PBX1: variants seen among roughly 807,000 people sequenced by gnomAD.
PBX1 encodes the protein PBX homeobox 1.
A neutral mutation model predicts 53.4 loss-of-function variants in PBX1; 6 were observed. That is an observed-to-expected ratio of 0.11 (90% confidence interval 0.06 to 0.22). The LOEUF (loss-of-function observed/expected upper bound fraction) is 0.22. Among genes scored for constraint, PBX1 ranks in the 10% least tolerant of loss-of-function variants. The probability of loss-of-function intolerance (pLI) is 1.00; values close to 1 mark genes in which losing one functional copy is unlikely to be tolerated. For missense variants in PBX1, 251 were observed against 551.4 expected (o/e 0.46, Z 5.46); for synonymous variants, 204 against 212.3 (o/e 0.96, Z 0.34).
intron 2 of PBX1, among the ~76,000 whole-genome samples, chr1:164,612,805 G>A (rs1657024799): frequency 6.6e-6 from 1 of 152,088 alleles, no homozygotes; most frequent in Admixed American, 6.5e-5. Flanking sequence ...CTCATGAGAT[G>A]TGATAAAGCA....
At chr1:164,564,293 A>G (rs1255298853) in intron 2 of PBX1, among the ~76,000 whole-genome samples, 1 of 152,166 alleles carries the variant, frequency 6.6e-6, no homozygotes, top group Non-Finnish European at 1.5e-5. Context: ...AAGGAGTGTA[A>G]CAGTCAATAA....
At chr1:164,883,370 A>G (rs150616519) in intron 2 of PBX1, among the ~76,000 whole-genome samples, 716 of 152,334 alleles carry the variant, frequency 4.7e-3, no homozygotes, top group Admixed American at 8.0e-3. Context: ...GGGCAAATGG[A>G]TATTTTCAAA....
Position 164,847,625 on chromosome 1 carries a change from A to T in PBX1, c.*949A>T. 1 of 1,061,426 alleles carries T rather than the reference A, an allele frequency of 9.4e-7. No homozygotes were observed. 65.8% of individuals were successfully genotyped at this position (1,061,426 alleles called of 1,614,324 possible). On this transcript the variant is annotated 3_prime_UTR_variant, in exon 9 of 9. Coordinates refer to ENST00000420696, the MANE Select transcript of PBX1 (RefSeq NM_002585.4). The stretch of plus-strand genomic sequence containing the variant: ...CTCAACTATGCCTTCATAGACACAC[A>T]CGTTCATGCACATGTAGGCACATGT...
intron 2 of PBX1, among the ~76,000 whole-genome samples, chr1:164,663,857 TTAA>T (rs1350672147): frequency 6.6e-6 from 1 of 152,212 alleles, no homozygotes; most frequent in Middle Eastern, 3.2e-3. Flanking sequence ...GGTGTTTAAG[TTAA>T]TAACTCTTCC....
chr1:164,599,061 T>C (rs543162560), intron 2 of PBX1, among the ~76,000 whole-genome samples: 1 of 133,720 alleles, frequency 7.5e-6, no homozygotes, highest in East Asian at 2.2e-4. Context: ...CTGTCTCTTT[T>C]TTCCTCCTGA....
Position 164,788,530 on chromosome 1 carries a change from C to A in PBX1, c.266-3964C>A, listed in dbSNP as rs985922870. Among the ~76,000 whole-genome samples, 12 of 152,000 alleles carry A rather than the reference C, an allele frequency of 7.9e-5. No homozygotes were observed. The East Asian group carries it at 2.3e-3, about 29-fold the overall frequency. On this transcript the variant is annotated intron_variant, in intron 2 of 8. Coordinates refer to ENST00000420696, the MANE Select transcript of PBX1 (RefSeq NM_002585.4). ...AGGTTGTTTATTGGTCCATCCCTGT[C>A]CCCTCCAAGCATTACAGACACAGCC...
chr1:164,806,338 T>C (rs777091248), intron 4 of PBX1, among the ~76,000 whole-genome samples: 5 of 152,186 alleles, frequency 3.3e-5, no homozygotes, highest in Non-Finnish European at 7.3e-5. Context: ...AACCTGTATA[T>C]GAAAAAGAAT....
intron 2 of PBX1, among the ~76,000 whole-genome samples, chr1:164,580,263 G>C (rs115983026): frequency 0.013 from 1,904 of 152,194 alleles, 50 homozygotes; most frequent in African/African-American, 0.043. Context: ...TGCCTATTCT[G>C]TTTTTAGAAT....
chr1:164,835,345 A>G (rs1037381469), intron 8 of PBX1, among the ~76,000 whole-genome samples: 1 of 151,958 alleles, frequency 6.6e-6, no homozygotes, highest in African/African-American at 2.4e-5. Context: ...ATTTCTAAAA[A>G]TGGAATTGCT....
intron 8 of PBX1, among the ~76,000 whole-genome samples, chr1:164,825,361 C>G (rs1416937741): frequency 6.6e-6 from 1 of 152,162 alleles, no homozygotes; most frequent in African/African-American, 2.4e-5. Flanking sequence ...CAGAAATTAC[C>G]TCTGTGTCTT....
At chr1:164,638,687 CAGGTG>C (rs1658936393) in intron 2 of PBX1, among the ~76,000 whole-genome samples, 1 of 152,208 alleles carries the variant, frequency 6.6e-6, no homozygotes, top group African/African-American at 2.4e-5. Context: ...GCGATAAAGG[CAGGTG>C]ATCCCTGCTG....
Position 164,632,724 on chromosome 1 carries a change from AGT to A in PBX1, c.265+69415_265+69416del, listed in dbSNP as rs765352149. The stretch of plus-strand genomic sequence containing the variant: ...AATGATTAATACACTAGGAAGAATC[AGT>A]GGTACGGACACATTGGACATGTGGT... On this transcript the variant is annotated intron_variant, in intron 2 of 8. Coordinates refer to ENST00000420696, the MANE Select transcript of PBX1 (RefSeq NM_002585.4). 4.6e-5 allele frequency among the ~76,000 whole-genome samples: 7 copies of A among 152,178 alleles called. 1 individual carries two copies. The East Asian group carries it at 5.8e-4, about 13-fold the overall frequency.
At position 164,877,858 on chromosome 1, in the gene PBX1, G is replaced by T. The variant is rs116503371; in HGVS notation, n.258-21330G>T. 2.0e-3 allele frequency among the ~76,000 whole-genome samples: 305 copies of T among 152,224 alleles called. 2 individuals carry two copies. Among genetic ancestry groups the T allele is most frequent in the African/African-American group, 6.7e-3 (280 of 41,538 alleles). On this transcript the variant is annotated intron_variant and non_coding_transcript_variant, in intron 2 of 2. Transcript: ENST00000558796. ...ACATATTCATCACATCCAAAAGTTT[G>T]CTTCTTTGTAATCCATTCTTCCTAC...
At chr1:164,843,558 G>T (rs1671412464) in intron 8 of PBX1, among the ~76,000 whole-genome samples, 1 of 151,430 alleles carries the variant, frequency 6.6e-6, no homozygotes, top group African/African-American at 2.4e-5. Context: ...GAGGGGGAGT[G>T]GAAAAAAGGG....
At chr1:164,812,644 A>C (rs183812749) in intron 6 of PBX1, 1 of 152,484 alleles carries the variant, frequency 6.6e-6, no homozygotes, top group African/African-American at 2.4e-5. Flanking sequence ...TTGGTATGCA[A>C]AGCCAGGCTA....
intron 2 of PBX1, among the ~76,000 whole-genome samples, chr1:164,649,215 C>A (rs1441445092): frequency 6.6e-6 from 1 of 152,140 alleles, no homozygotes; most frequent in Non-Finnish European, 1.5e-5. Context: ...CTTCCCTTAA[C>A]AAAGTATTCT....
chr1:164,870,702 C>T (rs1290874017), intron 2 of PBX1, among the ~76,000 whole-genome samples: 1 of 152,156 alleles, frequency 6.6e-6, no homozygotes, highest in Admixed American at 6.5e-5. Flanking sequence ...TGAATTCTAA[C>T]ATTTCTCTAG....
At chr1:164,723,548 C>T (rs1436757146) in intron 2 of PBX1, among the ~76,000 whole-genome samples, 1 of 152,138 alleles carries the variant, frequency 6.6e-6, no homozygotes, top group Non-Finnish European at 1.5e-5. Context: ...GCCATCTGAC[C>T]ATCTGAGGTT....
At chr1:164,870,251 T>TCCCTCCCTCCCTCCCTCCCTCCCTCCC (rs1672324143) in intron 2 of PBX1, among the ~76,000 whole-genome samples, 1 of 65,992 alleles carries the variant, frequency 1.5e-5, no homozygotes, top group African/African-American at 6.4e-5. Flanking sequence ...CCTTCCTTCC[T>TCCCTCCCTCCCTCCCTCCCTCCCTCCC]TCCTTCCTTC....
Sources: gnomAD v4.1 joint callset for allele counts (sites outside exome capture counted in the v4.1 genomes callset) on GRCh38, gnomAD v4.1.1 for gene constraint, MANE v1.5 for transcripts, NCBI Gene and HGNC (gene_info 2026-07-23, HGNC 2026-07-21) for gene names.